The following CSMD2 variants were observed in gnomAD, a reference collection of about 807,000 sequenced individuals.
CSMD2 encodes CUB and sushi domain-containing protein 2.
CSMD2 carries 130 observed loss-of-function variants against 398.5 expected under a neutral mutation model. The ratio of observed to expected loss-of-function variants is 0.33; its 90% CI spans 0.28 to 0.38. CSMD2 has a LOEUF of 0.38. Ranked by LOEUF, CSMD2 falls within the 10% of genes least tolerant of loss-of-function variation. The pLI is 1.00. For missense variants in CSMD2, 3,829 were observed against 4,764.9 expected (o/e 0.80, Z 5.78); for synonymous variants, 1,828 against 1,908.5 (o/e 0.96, Z 1.10).
intron 65 of CSMD2, 40 bp from the exon 66 acceptor site, chr1:33,525,083 T>G: frequency 6.2e-7 from 1 of 1,607,364 alleles, no homozygotes; most frequent in East Asian, 2.2e-5. Context: ...GGACTTTGTG[T>G]GTGCTGCCAG....
intron 1 of CSMD2, among the ~76,000 whole-genome samples, chr1:34,094,315 T>C (rs1285510388): frequency 2.6e-5 from 4 of 151,764 alleles, no homozygotes; most frequent in African/African-American, 9.7e-5. Flanking sequence ...TGCCAAAATG[T>C]AACGACCATC....
At chr1:33,946,290 A>G (rs916186880) in intron 3 of CSMD2, among the ~76,000 whole-genome samples, 6 of 152,244 alleles carry the variant, frequency 3.9e-5, no homozygotes, top group African/African-American at 1.4e-4. Context: ...GGATTCTGGA[A>G]TAAGATAAAC....
At chr1:34,067,360 C>A (rs1383625535) in intron 2 of CSMD2, among the ~76,000 whole-genome samples, 1 of 152,190 alleles carries the variant, frequency 6.6e-6, no homozygotes, top group African/African-American at 2.4e-5. Flanking sequence ...ATGCTTAGTT[C>A]TATTGCTACT....
At chr1:33,735,718 T>C (rs1646864043) in intron 15 of CSMD2, among the ~76,000 whole-genome samples, 1 of 152,184 alleles carries the variant, frequency 6.6e-6, no homozygotes. Context: ...CTTGTCCTAT[T>C]ATAGCCTCTC....
intron 13 of CSMD2, among the ~76,000 whole-genome samples, chr1:33,759,324 C>CTTTCTTTT (rs1553196465): frequency 8.0e-5 from 10 of 124,782 alleles, no homozygotes; most frequent in Non-Finnish European, 1.2e-4. Flanking sequence ...CTTTTTTTTT[C>CTTTCTTTT]TTTTTTTTTT....
chr1:33,783,713 G>A (rs776437431), intron 12 of CSMD2, among the ~76,000 whole-genome samples: 12 of 152,138 alleles, frequency 7.9e-5, no homozygotes, highest in Non-Finnish European at 1.5e-4. Flanking sequence ...GTATGACAGT[G>A]TTAGTGTAGG....
chr1:33,765,498 G>A (rs917907883), intron 13 of CSMD2, among the ~76,000 whole-genome samples: 11 of 152,174 alleles, frequency 7.2e-5, no homozygotes, highest in Non-Finnish European at 1.6e-4. Context: ...AATAAATTGT[G>A]TTGGAAAACT....
chr1:33,689,378 T>C (rs1223188725), intron 25 of CSMD2, among the ~76,000 whole-genome samples: 1 of 152,196 alleles, frequency 6.6e-6, no homozygotes, highest in Non-Finnish European at 1.5e-5. Flanking sequence ...ATCTTTACCT[T>C]CTTTGGACCT....
chr1:34,160,343 C>G (rs1345464723), intron 1 of CSMD2, among the ~76,000 whole-genome samples: 1 of 152,200 alleles, frequency 6.6e-6, no homozygotes, highest in Non-Finnish European at 1.5e-5. Context: ...CATACACACA[C>G]TGGTGACTGA....
At chr1:33,991,012 G>T (rs865934849) in intron 3 of CSMD2, among the ~76,000 whole-genome samples, 15 of 142,970 alleles carry the variant, frequency 1.0e-4, no homozygotes, top group African/African-American at 2.5e-4. Flanking sequence ...GGTGTTTTGG[G>T]TTTTTTTTTT....
At chr1:34,115,358 A>G (rs542042745) in intron 1 of CSMD2, among the ~76,000 whole-genome samples, 1 of 152,304 alleles carries the variant, frequency 6.6e-6, no homozygotes, top group African/African-American at 2.4e-5. Context: ...AACATGACTC[A>G]TCACCTACAA....
At chr1:33,521,431 G>T (rs1290796335) in intron 68 of CSMD2, 32 bp downstream of exon 68, 1 of 1,229,524 alleles carries the variant, frequency 8.1e-7, no homozygotes. Context: ...ACCCACCCGG[G>T]CCCACACTTC....
At chr1:33,716,899 C>A (rs1244142731) in intron 19 of CSMD2, among the ~76,000 whole-genome samples, 1 of 152,062 alleles carries the variant, frequency 6.6e-6, no homozygotes, top group Non-Finnish European at 1.5e-5. Context: ...AGAGGATATA[C>A]CAGACATTAA....
chr1:33,638,495 T>G (rs185722573), intron 29 of CSMD2, among the ~76,000 whole-genome samples: 1 of 152,222 alleles, frequency 6.6e-6, no homozygotes, highest in African/African-American at 2.4e-5. Flanking sequence ...ATCCAGAGCT[T>G]GAAGGCATCA....
intron 3 of CSMD2, among the ~76,000 whole-genome samples, chr1:33,997,655 G>C (rs1481455151): frequency 6.6e-6 from 1 of 152,138 alleles, no homozygotes; most frequent in Non-Finnish European, 1.5e-5. Flanking sequence ...AACGTGCTGA[G>C]AGCTCATTTG....
chr1:33,721,473 T>C (rs1358789192), intron 19 of CSMD2, among the ~76,000 whole-genome samples: 3 of 152,220 alleles, frequency 2.0e-5, no homozygotes, highest in African/African-American at 7.2e-5. Context: ...TAATCACAGA[T>C]GCCCAGACAC....
intron 5 of CSMD2, among the ~76,000 whole-genome samples, chr1:33,905,979 G>A (rs770271214): frequency 2.6e-5 from 4 of 152,184 alleles, no homozygotes; most frequent in Admixed American, 6.5e-5. Flanking sequence ...CTAGAGTGGT[G>A]GAAAGCCATG....
At chr1:33,792,365 A>C (rs1569965405) in intron 11 of CSMD2, 58 bp downstream of exon 11, 1 of 1,252,992 alleles carries the variant, frequency 8.0e-7, no homozygotes, top group South Asian at 1.2e-5. Context: ...CACAAACCCC[A>C]CCCCACCAAC....
At chr1:33,719,276 T>C (rs1234878818) in intron 19 of CSMD2, among the ~76,000 whole-genome samples, 1 of 152,076 alleles carries the variant, frequency 6.6e-6, no homozygotes, top group Non-Finnish European at 1.5e-5. Flanking sequence ...GGACATGGAG[T>C]TGGGTGGAGA....
Sources: gnomAD v4.1 joint callset for allele counts (sites outside exome capture counted in the v4.1 genomes callset) on GRCh38, gnomAD v4.1.1 for gene constraint, MANE v1.5 for transcripts, NCBI Gene and HGNC (gene_info 2026-07-23, HGNC 2026-07-21) for gene names.